Variants in NRP1 observed in about 807,000 individuals in gnomAD.
NRP1 encodes neuropilin-1.
In NRP1, 35 loss-of-function variants were observed where a neutral mutation model predicts 106.7. The ratio of observed to expected loss-of-function variants is 0.33; its 90% CI spans 0.25 to 0.43. NRP1 has a LOEUF of 0.43. Ranked by LOEUF, NRP1 falls within the 20% of genes least tolerant of loss-of-function variation. The probability of loss-of-function intolerance (pLI) is 1.00; values close to 1 mark genes in which losing one functional copy is unlikely to be tolerated. For missense variants in NRP1, 1,024 were observed against 1,170.4 expected (o/e 0.87, Z 1.83); for synonymous variants, 437 against 417.9 (o/e 1.05, Z -0.56).
chr10:33,248,504 C>T (rs1262783658), intron 6 of NRP1, among the ~76,000 whole-genome samples: 1 of 152,174 alleles, frequency 6.6e-6, no homozygotes, highest in Non-Finnish European at 1.5e-5. Flanking sequence ...GTTTCAATTC[C>T]ATTCAGCCCA....
chr10:33,323,742 A>T (rs1407321772), intron 2 of NRP1, among the ~76,000 whole-genome samples: 1 of 152,188 alleles, frequency 6.6e-6, no homozygotes, highest in Non-Finnish European at 1.5e-5. Context: ...AGGCTTAATG[A>T]TCAGTCTAGA....
chr10:33,182,644 A>G, intron 16 of NRP1, 54 bp downstream of exon 16: 2 of 1,244,822 alleles, frequency 1.6e-6, no homozygotes, highest in Non-Finnish European at 2.3e-6. Context: ...CTTCATAAAC[A>G]CAATGAAAGC....
intron 6 of NRP1, among the ~76,000 whole-genome samples, chr10:33,237,553 C>T (rs1180189328): frequency 6.8e-6 from 1 of 147,162 alleles, no homozygotes; most frequent in Non-Finnish European, 1.5e-5. Flanking sequence ...AAAATATTTG[C>T]TATGATGAAT....
chr10:33,281,417 G>C (rs1844122876), intron 2 of NRP1, among the ~76,000 whole-genome samples: 1 of 152,090 alleles, frequency 6.6e-6, no homozygotes, highest in African/African-American at 2.4e-5. Flanking sequence ...GAAGGTTGAG[G>C]CCATAAGAAA....
chr10:33,224,278 G>A (rs918469229), intron 7 of NRP1, among the ~76,000 whole-genome samples: 1 of 152,076 alleles, frequency 6.6e-6, no homozygotes, highest in Non-Finnish European at 1.5e-5. Context: ...GGCAAGCTGG[G>A]GGCACTGTCA....
intron 9 of NRP1, chr10:33,213,069 G>A: frequency 4.8e-6 from 3 of 622,658 alleles, no homozygotes; most frequent in Non-Finnish European, 8.4e-6. Context: ...ATCTGCAAGG[G>A]GTTCTGAGCG....
intron 6 of NRP1, among the ~76,000 whole-genome samples, chr10:33,228,909 T>C (rs889211418): frequency 6.6e-6 from 1 of 152,252 alleles, no homozygotes; most frequent in African/African-American, 2.4e-5. Context: ...CAACATATTC[T>C]TATCAAGTGC....
intron 2 of NRP1, among the ~76,000 whole-genome samples, chr10:33,313,735 G>A (rs1846785294): frequency 6.6e-6 from 1 of 152,026 alleles, no homozygotes; most frequent in African/African-American, 2.4e-5. Flanking sequence ...GAGTACCTGC[G>A]GGCATCACAC....
rs572443071 is a variant in NRP1 at position 33,257,115 on chromosome 10, A to G, written c.659-644T>C. ...ATTGTAACCATGTAAAAAGTTGGAG[A>G]CTACATATACCAATAATTTATACAT... On this transcript the variant is annotated intron_variant, in intron 4 of 16. Coordinates refer to ENST00000374867, the MANE Select transcript of NRP1 (RefSeq NM_003873.7). 8.7e-4 allele frequency among the ~76,000 whole-genome samples: 132 copies of G among 152,320 alleles called. 1 individual carries two copies. In the South Asian group the frequency reaches 0.027, roughly 31 times the overall value.
intron 2 of NRP1, among the ~76,000 whole-genome samples, chr10:33,327,643 A>G (rs1469511454): frequency 6.6e-6 from 1 of 151,776 alleles, no homozygotes; most frequent in African/African-American, 2.4e-5. Context: ...TCTTCAAATA[A>G]TTTCTGGTGT....
At chr10:33,247,489 G>A (rs562499851) in intron 6 of NRP1, among the ~76,000 whole-genome samples, 28 of 152,218 alleles carry the variant, frequency 1.8e-4, no homozygotes, top group Non-Finnish European at 4.0e-4. Context: ...GAAGTGTATG[G>A]ATGGGAAACC....
At position 33,213,604 on chromosome 10, in the gene NRP1, T is replaced by A. The variant is rs767349233; in HGVS notation, c.1396A>T (p.Thr466Ser). 1 of 1,614,108 alleles carries A rather than the reference T, an allele frequency of 6.2e-7. No homozygotes were observed. The highest frequency in any genetic ancestry group is 1.1e-5 in the South Asian group (1 of 91,064). Reference protein sequence around the residue: ...NWMPENIRLVTSRSGWALPPA... With the variant: ...NWMPENIRLVSSRSGWALPPA... ...GGAAGTGCCCAGCCAGAGCGACTGG[T>A]TACCAGGCGGATGTTTTCAGGCATC... The change falls in exon 9 of 17, where the codon ACC becomes TCC. Residue 466 changes from threonine (T) to serine (S), a missense_variant. Coordinates refer to ENST00000374867, the MANE Select transcript of NRP1 (RefSeq NM_003873.7).
chr10:33,255,647 G>A lies in NRP1; in HGVS notation c.814+669C>T, dbSNP rs369207677. 8.8e-4 allele frequency among the ~76,000 whole-genome samples: 134 copies of A among 152,152 alleles called. 1 individual carries two copies. The highest frequency in any genetic ancestry group is 2.7e-3 in the African/African-American group (111 of 41,510). ...TTCAATTTTTAGTAGAGTCAGGTTC[G>A]CATTATATTGCCAAGGCTGGGCTCC... On this transcript the variant is annotated intron_variant, in intron 5 of 16. Transcript: ENST00000374867.
intron 6 of NRP1, among the ~76,000 whole-genome samples, chr10:33,244,456 T>C (rs545095661): frequency 1.1e-4 from 16 of 152,230 alleles, no homozygotes; most frequent in Non-Finnish European, 2.2e-4. Context: ...ATTAACATTT[T>C]ACTCCCTGAG....
intron 6 of NRP1, among the ~76,000 whole-genome samples, chr10:33,244,662 C>T (rs1334652205): frequency 6.6e-6 from 1 of 152,048 alleles, no homozygotes; most frequent in Admixed American, 6.6e-5. Context: ...TATTATCTTT[C>T]CCATGAAAAG....
At chr10:33,299,564 C>G (rs187306032) in intron 2 of NRP1, among the ~76,000 whole-genome samples, 1 of 152,136 alleles carries the variant, frequency 6.6e-6, no homozygotes, top group African/African-American at 2.4e-5. Flanking sequence ...GGATTGCTTG[C>G]GGCCAGGAGG....
rs1835574488 is a variant in NRP1, at chr10:33,179,937, A to G, written c.*139T>C. On this transcript the variant is annotated 3_prime_UTR_variant, in exon 17 of 17. Transcript: ENST00000374867. ...TTGTCCATGTCTGTCGGCCATACTC[A>G]TTGAAGCTCCTGAGAAAAGCCTGGC... 2 of 831,108 alleles carry G rather than the reference A, an allele frequency of 2.4e-6. No individual in the cohort carries two copies. Among genetic ancestry groups the G allele is most frequent in the Non-Finnish European group, 3.9e-6 (2 of 514,616 alleles). The allele number at this position is 831,108 out of a possible 1,614,324, so 51.5% of individuals were successfully genotyped here. A position where few individuals can be genotyped will look rare whatever the true frequency, so the allele number is the denominator to read the frequency against.
At chr10:33,279,954 G>A (rs866241812) in intron 2 of NRP1, among the ~76,000 whole-genome samples, 6 of 152,204 alleles carry the variant, frequency 3.9e-5, no homozygotes, top group Non-Finnish European at 7.3e-5. Context: ...CAATGAATAG[G>A]AAAGCAGGAT....
At chr10:33,306,315 T>C (rs1318447685) in intron 2 of NRP1, among the ~76,000 whole-genome samples, 1 of 151,824 alleles carries the variant, frequency 6.6e-6, no homozygotes, top group Non-Finnish European at 1.5e-5. Flanking sequence ...TGATGTAGTG[T>C]TTACGAAGGC....
Sources: gnomAD v4.1 joint callset for allele counts (sites outside exome capture counted in the v4.1 genomes callset) on GRCh38, gnomAD v4.1.1 for gene constraint, MANE v1.5 for transcripts, NCBI Gene and HGNC (gene_info 2026-07-23, HGNC 2026-07-21) for gene names.